Variants in HMGCLL1 observed in about 807,000 individuals in gnomAD.
The protein encoded by HMGCLL1 is 3-hydroxy-3-methylglutaryl-CoA lyase like 1.
HMGCLL1 carries 36 observed loss-of-function variants against 39.1 expected under a neutral mutation model. The observed-to-expected ratio is 0.92, with a 90% CI of 0.71 to 1.22. The LOEUF (loss-of-function observed/expected upper bound fraction) is 1.22. Ranked by LOEUF, HMGCLL1 falls within the 50% of genes most tolerant of loss-of-function variation. HMGCLL1 has a pLI of 0.00. For missense variants in HMGCLL1, 451 were observed against 416.5 expected (o/e 1.08, Z -0.72); for synonymous variants, 149 against 144.0 (o/e 1.03, Z -0.25).
At chr6:55,674,924 T>C in the HMGCLL1 span, among the ~76,000 whole-genome samples, 1 of 152,068 alleles carries the variant, frequency 6.6e-6, no homozygotes, top group Non-Finnish European at 1.5e-5. Context: ...TCCCATGTTC[T>C]TTTGGAAGTG....
chr6:55,623,031 T>A, the HMGCLL1 span, among the ~76,000 whole-genome samples: 1 of 152,012 alleles, frequency 6.6e-6, no homozygotes, highest in African/African-American at 2.4e-5. Flanking sequence ...CTTCTAGGAT[T>A]TCCAATTTAT....
intron 3 of HMGCLL1, among the ~76,000 whole-genome samples, chr6:55,531,625 G>A (rs932996107): frequency 1.5e-4 from 23 of 152,112 alleles, no homozygotes; most frequent in African/African-American, 5.6e-4. Context: ...ACCAGTACTG[G>A]TCTGTGGCTG....
intron 1 of HMGCLL1, among the ~76,000 whole-genome samples, chr6:55,550,854 T>G (rs1770288625): frequency 6.6e-6 from 1 of 151,638 alleles, no homozygotes; most frequent in East Asian, 1.9e-4. Context: ...GGTAAAAATC[T>G]TACAATGCAC....
At chr6:55,438,109 C>G (rs908483830) in intron 8 of HMGCLL1, among the ~76,000 whole-genome samples, 3 of 151,998 alleles carry the variant, frequency 2.0e-5, no homozygotes, top group Non-Finnish European at 2.9e-5. Flanking sequence ...CATCAGCTAT[C>G]AGCTATGGAG....
intron 7 of HMGCLL1, among the ~76,000 whole-genome samples, chr6:55,488,386 A>G (rs1766149002): frequency 6.6e-6 from 1 of 152,044 alleles, no homozygotes; most frequent in Non-Finnish European, 1.5e-5. Context: ...ATTTGACATG[A>G]TTTTCACATT....
At chr6:55,640,614 G>C in the HMGCLL1 span, among the ~76,000 whole-genome samples, 1 of 151,812 alleles carries the variant, frequency 6.6e-6, no homozygotes, top group Non-Finnish European at 1.5e-5. Context: ...AGTGATATTT[G>C]AGAAAAGAGA....
the HMGCLL1 span, among the ~76,000 whole-genome samples, chr6:55,645,472 A>C: frequency 6.6e-6 from 1 of 151,908 alleles, no homozygotes; most frequent in African/African-American, 2.4e-5. Flanking sequence ...TCCTTGTCAC[A>C]TTCCAGATCT....
the HMGCLL1 span, among the ~76,000 whole-genome samples, chr6:55,606,038 A>G: frequency 6.6e-6 from 1 of 152,156 alleles, no homozygotes; most frequent in Non-Finnish European, 1.5e-5. Flanking sequence ...GGTTCAGGTT[A>G]TTGAAGAGTT....
At chr6:55,459,622 C>G (rs1322390755) in intron 7 of HMGCLL1, among the ~76,000 whole-genome samples, 4 of 151,924 alleles carry the variant, frequency 2.6e-5, no homozygotes, top group Non-Finnish European at 4.4e-5. Flanking sequence ...TATTTAATAA[C>G]GATTTATTAA....
chr6:55,445,402 A>C (rs1226714459), intron 7 of HMGCLL1, among the ~76,000 whole-genome samples: 1 of 152,082 alleles, frequency 6.6e-6, no homozygotes, highest in Non-Finnish European at 1.5e-5. Flanking sequence ...GATGTAAACA[A>C]GCTCTGAAAA....
chr6:55,504,528 G>C (rs1262136476), intron 5 of HMGCLL1, among the ~76,000 whole-genome samples: 2 of 151,560 alleles, frequency 1.3e-5, no homozygotes, highest in Admixed American at 6.6e-5. Flanking sequence ...ACAGCACTTT[G>C]TTTAAAACAA....
chr6:55,438,675 G>A (rs563222746), intron 8 of HMGCLL1, among the ~76,000 whole-genome samples: 14 of 152,120 alleles, frequency 9.2e-5, no homozygotes, highest in Admixed American at 2.6e-4. Flanking sequence ...TAATGCAGCC[G>A]GAGCATTAAT....
intron 1 of HMGCLL1, among the ~76,000 whole-genome samples, chr6:55,543,150 A>ATATATAT (rs1345175832): frequency 0.044 from 175 of 4,004 alleles, 30 homozygotes; most frequent in South Asian, 0.21. Flanking sequence ...ATTATATATT[A>ATATATAT]TATATATTAT....
the HMGCLL1 span, among the ~76,000 whole-genome samples, chr6:55,629,979 C>T: frequency 6.6e-6 from 1 of 152,290 alleles, no homozygotes; most frequent in South Asian, 2.1e-4. Flanking sequence ...AAATGTGGGT[C>T]AGAGTCCCCA....
intron 5 of HMGCLL1, chr6:55,513,516 A>C (rs3800027): frequency 0.68 from 104,385 of 152,762 alleles, 35,683 homozygotes; most frequent in Non-Finnish European, 0.7. Flanking sequence ...TATGGAGGTG[A>C]TTTGGGATCA....
the HMGCLL1 span, among the ~76,000 whole-genome samples, chr6:55,596,999 G>A: frequency 4.6e-5 from 7 of 151,800 alleles, no homozygotes; most frequent in East Asian, 3.9e-4. Context: ...AAAATAACAC[G>A]TTATATATAA....
the HMGCLL1 span, among the ~76,000 whole-genome samples, chr6:55,614,809 G>C: frequency 6.6e-6 from 1 of 151,788 alleles, no homozygotes; most frequent in African/African-American, 2.4e-5. Flanking sequence ...TCTGTCATTC[G>C]GTCTAAGCAA....
At chr6:55,453,036 G>A (rs1581795996) in intron 7 of HMGCLL1, among the ~76,000 whole-genome samples, 1 of 152,110 alleles carries the variant, frequency 6.6e-6, no homozygotes, top group Non-Finnish European at 1.5e-5. Context: ...CTCTGAATTG[G>A]GCTTTGAAGG....
intron 3 of HMGCLL1, among the ~76,000 whole-genome samples, chr6:55,539,859 GAAGA>G (rs376526008): frequency 0.18 from 11,441 of 62,590 alleles, 1,146 homozygotes; most frequent in Non-Finnish European, 0.21. Context: ...AAAGAAAGAG[GAAGA>G]AAGAAAGAAA....
Sources: gnomAD v4.1 joint callset for allele counts (sites outside exome capture counted in the v4.1 genomes callset) on GRCh38, gnomAD v4.1.1 for gene constraint, MANE v1.5 for transcripts, NCBI Gene and HGNC (gene_info 2026-07-23, HGNC 2026-07-21) for gene names.